The following PURG variants were observed in gnomAD, a reference collection of about 807,000 sequenced individuals.
The protein encoded by PURG is purine-rich element-binding protein gamma.
Under a neutral mutation model 24.3 loss-of-function variants are expected in PURG, and 3 were observed. That is an observed-to-expected ratio of 0.12 (90% CI 0.06 to 0.32). The LOEUF is 0.32. Among genes scored for constraint, PURG ranks in the 10% least tolerant of loss-of-function variants. The pLI, the probability that PURG is intolerant of heterozygous loss-of-function variation, is 1.00. For missense variants in PURG, 371 were observed against 439.1 expected, an observed-to-expected ratio of 0.84 and a Z score of 1.39; for synonymous variants, 180 against 173.1, an observed-to-expected ratio of 1.04 and a Z score of -0.31.
chr8:31,001,280 T>C (rs561567034), intron 1 of PURG, among the ~76,000 whole-genome samples: 1 of 152,364 alleles, frequency 6.6e-6, no homozygotes, highest in Non-Finnish European at 1.5e-5. Flanking sequence ...ACATAAATAC[T>C]GAACATACCT....
At chr8:31,016,914 G>A (rs1810883825) in intron 1 of PURG, among the ~76,000 whole-genome samples, 1 of 152,128 alleles carries the variant, frequency 6.6e-6, no homozygotes, top group South Asian at 2.1e-4. Flanking sequence ...ACATCATCAT[G>A]GCCATCATTC....
rs374424430 is a variant in PURG, at chr8:31,015,356, CACAA to C, written c.864+16559_864+16562del. Among the ~76,000 whole-genome samples the C allele has an allele frequency of 2.8e-3, 422 of 152,020 alleles. 1 individual carries two copies. The highest frequency in any genetic ancestry group is 8.5e-3 in the African/African-American group (353 of 41,464). ...TTTTAACCACAATTGAAAACAAACA[CACAA>C]ACAAACAAACACACCACCACCAGAA... On this transcript the variant is annotated intron_variant, in intron 1 of 1. Transcript: ENST00000339382.
Position 31,032,121 on chromosome 8 carries a change from G to A in PURG, c.662C>T (p.Thr221Ile), listed in dbSNP as rs752014345. ...CATTCCTTGTGCTGGGAGGACAATAGTCTGTTCTTGGCCCAAACTGTGGCC... is the reference window on the plus strand; with the variant it reads ...CATTCCTTGTGCTGGGAGGACAATAATCTGTTCTTGGCCCAAACTGTGGCC... ...YFGHSLGQEQ[T>I]IVLPAQGMIE... The change falls in exon 2 of 2, where the codon ACT (threonine) becomes ATT (isoleucine). Residue 221 changes from threonine to isoleucine, a missense_variant. Transcript: ENST00000523392. This position sits in a 1 kb window ranked among gnomAD's most constrained non-coding sequence, Gnocchi z 5.9. 2 of 1,614,226 alleles carry A rather than the reference G, an allele frequency of 1.2e-6. No homozygotes were observed. The highest frequency in any genetic ancestry group is 1.7e-6 in the Non-Finnish European group (2 of 1,180,036).
Position 31,032,998 on chromosome 8 carries a change from GC to G in PURG, c.-7+79del. 5.7e-6 allele frequency: 1 copy of G among 175,428 alleles called. No individual in the cohort carries two copies. Among genetic ancestry groups the G allele is most frequent in the Non-Finnish European group, 1.1e-5 (1 of 87,590 alleles). The allele number at this position is 175,428 out of a possible 1,614,324, so 10.9% of individuals were successfully genotyped here. A position where few individuals can be genotyped will look rare whatever the true frequency, so the allele number is the denominator to read the frequency against. ...CCCGCGCTCCCCGCATCCCTCCGCC[GC>G]CCCCGGGGCCGCTCCCGCACGCCGC... On this transcript the variant is annotated intron_variant, in intron 1 of 1. Coordinates refer to ENST00000523392, the MANE Select transcript of PURG (RefSeq NM_001323311.2). This position sits in a 1 kb window ranked among gnomAD's most constrained non-coding sequence, Gnocchi z 5.9.
intron 1 of PURG, among the ~76,000 whole-genome samples, chr8:30,998,671 A>G (rs1810477243): frequency 6.6e-6 from 1 of 151,830 alleles, no homozygotes; most frequent in Non-Finnish European, 1.5e-5. Flanking sequence ...AAGGATGTAT[A>G]ATTTCTAAAT....
At chr8:31,016,419 GATAA>G (rs944894922) in intron 1 of PURG, among the ~76,000 whole-genome samples, 12 of 150,344 alleles carry the variant, frequency 8.0e-5, no homozygotes, top group South Asian at 4.2e-4. Context: ...TACATAGATA[GATAA>G]ATAAATAAAT....
At chr8:31,024,813 A>G (rs1212077711) in intron 1 of PURG, among the ~76,000 whole-genome samples, 12 of 152,084 alleles carry the variant, frequency 7.9e-5, no homozygotes. Flanking sequence ...AAAAAACAAC[A>G]TAAGCTTTTT....
chr8:31,032,878 C>A lies in PURG; in HGVS notation c.-6-90G>T, dbSNP rs1289362191. 2 of 1,042,650 alleles carry A rather than the reference C, an allele frequency of 1.9e-6. No individual in the cohort carries two copies. The highest frequency in any genetic ancestry group is 1.2e-6 in the Non-Finnish European group (1 of 818,942). The allele number at this position is 1,042,650 out of a possible 1,614,324, so 64.6% of individuals were successfully genotyped here. A position where few individuals can be genotyped will look rare whatever the true frequency, so the allele number is the denominator to read the frequency against. The stretch of plus-strand genomic sequence containing the variant: ...CCCCTCGGCCTGACCGCCCCGCCGC[C>A]GCCCGCGACCCCCACGCCGGGCCCG... On this transcript the variant is annotated intron_variant, in intron 1 of 1. Coordinates refer to ENST00000523392, the MANE Select transcript of PURG (RefSeq NM_001323311.2). This position sits in a 1 kb window ranked among gnomAD's most constrained non-coding sequence, Gnocchi z 5.9.
chr8:31,013,495 T>C (rs1265593171), intron 1 of PURG, among the ~76,000 whole-genome samples: 2 of 152,140 alleles, frequency 1.3e-5, no homozygotes, highest in Non-Finnish European at 2.9e-5. Flanking sequence ...CCCAGCACTT[T>C]GGAAGCACGA....
At chr8:31,017,956 T>G (rs1810908211) in intron 1 of PURG, among the ~76,000 whole-genome samples, 1 of 152,208 alleles carries the variant, frequency 6.6e-6, no homozygotes, top group Non-Finnish European at 1.5e-5. Context: ...TGTGTCATTC[T>G]AAATAAACCG....
At chr8:31,000,858 A>G (rs2129770929) in intron 1 of PURG, among the ~76,000 whole-genome samples, 1 of 152,348 alleles carries the variant, frequency 6.6e-6, no homozygotes, top group East Asian at 1.9e-4. Context: ...CTTTAAAAAC[A>G]TTAACTAAAA....
rs11433207 is a variant in PURG at position 31,016,581 on chromosome 8, C to CAAAAAAAAAAAAAAAAAAAAA, written c.864+15317_864+15337dup. Among the ~76,000 whole-genome samples, 14 of 57,530 alleles carry CAAAAAAAAAAAAAAAAAAAAA rather than the reference C, an allele frequency of 2.4e-4. 3 individuals are homozygous for CAAAAAAAAAAAAAAAAAAAAA. The highest frequency in any genetic ancestry group is 1.8e-3 in the South Asian group (2 of 1,120). The allele number at this position is 57,530 out of a possible 152,430, so 37.7% of individuals were successfully genotyped here. On this transcript the variant is annotated intron_variant, in intron 1 of 1. Coordinates refer to the PURG transcript ENST00000339382. ...GAAAGAATGCAAGTCTACCAAGAAC[C>CAAAAAAAAAAAAAAAAAAAAA]AAAAAAAAAAAAAAAAAAAAAAAAA...
intron 1 of PURG, among the ~76,000 whole-genome samples, chr8:31,021,048 A>C (rs1028212769): frequency 2.9e-4 from 44 of 152,196 alleles, no homozygotes; most frequent in Admixed American, 1.0e-3. Context: ...GTATCTGTAA[A>C]TGGAGAATTA....
At chr8:31,028,113 G>C (rs1811124319), downstream of PURG, among the ~76,000 whole-genome samples, 1 of 151,728 alleles carries the variant, frequency 6.6e-6, no homozygotes, top group South Asian at 2.1e-4. Context: ...CAAATTAACT[G>C]TCAGGGCACT....
chr8:31,017,833 G>T (rs1486316806), intron 1 of PURG, among the ~76,000 whole-genome samples: 1 of 152,126 alleles, frequency 6.6e-6, no homozygotes, highest in Non-Finnish European at 1.5e-5. Flanking sequence ...AGAAAAAATG[G>T]AGAAAGATAT....
chr8:31,009,504 T>C (rs913853024), intron 1 of PURG, among the ~76,000 whole-genome samples: 8 of 152,300 alleles, frequency 5.3e-5, no homozygotes, highest in African/African-American at 1.9e-4. Context: ...GAATTTAGCC[T>C]GCCAGTTCCT....
intron 1 of PURG, among the ~76,000 whole-genome samples, chr8:31,007,949 G>A (rs1810686376): frequency 6.6e-6 from 1 of 152,164 alleles, no homozygotes; most frequent in African/African-American, 2.4e-5. Flanking sequence ...GTCTTTGGAT[G>A]AGTAGGAAAT....
At position 31,031,158 on chromosome 8, in the gene PURG, A is replaced by T. The variant is rs1811192787; in HGVS notation, c.*581T>A. The T allele has an allele frequency of 6.5e-6, 1 of 152,796 alleles. No individual in the cohort carries two copies. The highest frequency in any genetic ancestry group is 6.5e-5 in the Admixed American group (1 of 15,310). The allele number at this position is 152,796 out of a possible 1,614,324, so 9.5% of individuals were successfully genotyped here. On this transcript the variant is annotated 3_prime_UTR_variant, in exon 2 of 2. Coordinates refer to ENST00000523392, the MANE Select transcript of PURG (RefSeq NM_001323311.2). ...ATAGAATACTATAGTATTCTTAAGA[A>T]ATATTATGACATTATATTTTTAAGG...
At position 31,023,434 on chromosome 8, in the gene PURG, T is replaced by C. The variant is rs149237068; in HGVS notation, c.864+8485A>G. ...GTCTAGGGAGAAACATGTCACTCTT[T>C]TTTAAGCCTCTTCACTGGCAGTGGC... On this transcript the variant is annotated intron_variant, in intron 1 of 1. Coordinates refer to the PURG transcript ENST00000339382. Among the ~76,000 whole-genome samples, 742 of 152,236 alleles carry C rather than the reference T, an allele frequency of 4.9e-3. 5 individuals are homozygous for C. Among genetic ancestry groups the C allele is most frequent in the Middle Eastern group, 0.01 (3 of 294 alleles).
Sources: gnomAD v4.1 joint callset for allele counts (sites outside exome capture counted in the v4.1 genomes callset) on GRCh38, gnomAD v4.1.1 for gene constraint, Gnocchi (gnomAD v3.1) non-coding constraint, MANE v1.5 for transcripts, NCBI Gene and HGNC (gene_info 2026-07-23, HGNC 2026-07-21) for gene names.